Variants in FAM98B observed in about 807,000 individuals in gnomAD.
FAM98B encodes the protein tRNA-splicing ligase complex subunit FAM98B.
In FAM98B, 32 loss-of-function variants were observed where a neutral mutation model predicts 43.9. That is an observed-to-expected ratio of 0.73 (90% confidence interval 0.55 to 0.98). The LOEUF (loss-of-function observed/expected upper bound fraction) is 0.98. Ranked by LOEUF, FAM98B falls within the 50% of genes least tolerant of loss-of-function variation. The pLI, the probability that FAM98B is intolerant of heterozygous loss-of-function variation, is 0.00. For missense variants in FAM98B, 514 were observed against 522.9 expected (o/e 0.98, Z 0.17); for synonymous variants, 190 against 174.0 (o/e 1.09, Z -0.72).
chr15:38,473,450 G>A (rs1890153985), intron 4 of FAM98B, 55 bp from the exon 5 acceptor site: 8 of 1,283,886 alleles, frequency 6.2e-6, no homozygotes, highest in Non-Finnish European at 6.6e-6. Context: ...ACAAGCATAA[G>A]ATTGTTTTAA....
chr15:38,455,262 T>C (rs1889830230), intron 1 of FAM98B, among the ~76,000 whole-genome samples: 1 of 152,214 alleles, frequency 6.6e-6, no homozygotes, highest in Non-Finnish European at 1.5e-5. Flanking sequence ...TAGGACCAGA[T>C]AGTTGAGTCA....
chr15:38,481,748 T>C, intron 7 of FAM98B: 1 of 862,442 alleles, frequency 1.2e-6, no homozygotes, highest in South Asian at 1.9e-5. Flanking sequence ...AATCATTTTT[T>C]GTCAGTAAGA....
chr15:38,460,800 G>A lies in FAM98B; in HGVS notation c.72-3232G>A, dbSNP rs138409553. On this transcript the variant is annotated intron_variant, in intron 1 of 7. Transcript: ENST00000397609. Reference sequence around the variant, plus strand: ...GTTAGCTATGATTATGGCCATCCCGGATGAATTATTTACCTTTATCATCCT... The same window carrying A: ...GTTAGCTATGATTATGGCCATCCCGAATGAATTATTTACCTTTATCATCCT... Among the ~76,000 whole-genome samples, 12 of 152,248 alleles carry A rather than the reference G, an allele frequency of 7.9e-5. No homozygotes were observed. The East Asian group carries it at 2.1e-3, about 27-fold the overall frequency.
chr15:38,480,249 G>A (rs1023418290), intron 6 of FAM98B, among the ~76,000 whole-genome samples: 1 of 151,860 alleles, frequency 6.6e-6, no homozygotes, highest in Non-Finnish European at 1.5e-5. Flanking sequence ...TTGTTATATG[G>A]TGTGCTGTAT....
At chr15:38,459,457 A>G (rs901930636) in intron 1 of FAM98B, 1 of 354,920 alleles carries the variant, frequency 2.8e-6, no homozygotes, top group East Asian at 8.2e-5. Context: ...AGGCTTCTTA[A>G]GGAGGGCTTG....
chr15:38,458,765 C>G (rs1046198688), intron 1 of FAM98B: 12 of 372,040 alleles, frequency 3.2e-5, no homozygotes, highest in Non-Finnish European at 6.3e-5. Flanking sequence ...GAGGCCTGCC[C>G]CTACCCAAGG....
intron 1 of FAM98B, among the ~76,000 whole-genome samples, chr15:38,460,372 A>C (rs2141052021): frequency 7.0e-6 from 1 of 142,378 alleles, no homozygotes; most frequent in South Asian, 2.5e-4. Flanking sequence ...TTTCTCATGT[A>C]CTGCAAGAGG....
At chr15:38,470,513 C>G in intron 4 of FAM98B, 108 bp downstream of exon 4, 1 of 1,031,038 alleles carries the variant, frequency 9.7e-7, no homozygotes, top group Non-Finnish European at 1.3e-6. Context: ...CATTTTATTT[C>G]AAGAGTTTAT....
At position 38,454,207 on chromosome 15, in the gene FAM98B, G is replaced by T. The variant is rs781472476; in HGVS notation, c.46G>T (p.Val16Leu). Residue 16 changes from valine (V) to leucine (L), a missense_variant, in exon 1 of 8, where the codon GTG becomes TTG. Transcript: ENST00000397609. ...PGPQPTMEGD[V>L]LDTLEALGYK... is the part of the protein sequence containing the mutation. Reference sequence around the variant, plus strand: ...TCCCCAACCGACGATGGAGGGAGACGTGCTGGACACACTGGAGGCGCTGGG... The same window carrying T: ...TCCCCAACCGACGATGGAGGGAGACTTGCTGGACACACTGGAGGCGCTGGG... 1.0e-5 allele frequency: 16 copies of T among 1,604,366 alleles called. No homozygotes were observed. Among genetic ancestry groups the T allele is most frequent in the Non-Finnish European group, 1.4e-5 (16 of 1,176,670 alleles).
intron 6 of FAM98B, among the ~76,000 whole-genome samples, chr15:38,480,994 C>A (rs1890273790): frequency 6.6e-6 from 1 of 151,704 alleles, no homozygotes; most frequent in South Asian, 2.1e-4. Context: ...TTTAAATGTC[C>A]TGTATGTGGT....
chr15:38,465,143 C>T, intron 2 of FAM98B, 126 bp from the exon 3 acceptor site: 1 of 883,028 alleles, frequency 1.1e-6, no homozygotes, highest in Non-Finnish European at 1.6e-6. Flanking sequence ...TTCGTGATCA[C>T]ACATTTAAGG....
At chr15:38,463,655 A>T (rs1889985717) in intron 1 of FAM98B, among the ~76,000 whole-genome samples, 1 of 152,046 alleles carries the variant, frequency 6.6e-6, no homozygotes, top group African/African-American at 2.4e-5. Flanking sequence ...TTTTTATTGT[A>T]ATTAATATAA....
rs997628701 is a variant in FAM98B, at chr15:38,473,673, G to A, written c.612+88G>A. On this transcript the variant is annotated intron_variant, in intron 5 of 7. Transcript: ENST00000397609. ...TAAATGAACATCTATTTTGCAATAT[G>A]TAGCATGCATATATTATTTTGTAGA... The A allele has an allele frequency of 4.2e-5, 40 of 945,662 alleles. No homozygotes were observed. In the African/African-American group the frequency reaches 6.4e-4, roughly 15 times the overall value. The allele number at this position is 945,662 out of a possible 1,614,324, so 58.6% of individuals were successfully genotyped here.
intron 6 of FAM98B, among the ~76,000 whole-genome samples, chr15:38,474,804 C>T (rs1307371347): frequency 3.2e-4 from 48 of 152,106 alleles, no homozygotes; most frequent in Non-Finnish European, 1.5e-5. Flanking sequence ...TTAATCTGTA[C>T]CCATGCTTAG....
chr15:38,475,672 G>A (rs1209145802), intron 6 of FAM98B, among the ~76,000 whole-genome samples: 9 of 151,924 alleles, frequency 5.9e-5, no homozygotes, highest in Non-Finnish European at 1.2e-4. Context: ...ATTATATTAG[G>A]CCCACACAGA....
chr15:38,465,333 A>C lies in FAM98B; in HGVS notation c.282A>C (p.Pro94=), dbSNP rs1298994207. 6.2e-7 allele frequency: 1 copy of C among 1,611,972 alleles called. No individual in the cohort carries two copies. Among genetic ancestry groups the C allele is most frequent in the African/African-American group, 1.3e-5 (1 of 74,848 alleles). The part of the protein sequence containing the change: ...ISGFLKEMAC[P]YSVLISGDIK... ...GCTTTTTAAAAGAAATGGCATGTCCATATTCTGTACTCATATCAGGAGATA... is the reference window on the plus strand; with the variant it reads ...GCTTTTTAAAAGAAATGGCATGTCCCTATTCTGTACTCATATCAGGAGATA... The change falls in exon 3 of 8, where the codon CCA becomes CCC. Residue 94 remains proline (P), a synonymous_variant. Coordinates refer to ENST00000397609, the MANE Select transcript of FAM98B (RefSeq NM_173611.4).
At chr15:38,465,707 T>C (rs1452975776) in intron 3 of FAM98B, among the ~76,000 whole-genome samples, 3 of 152,150 alleles carry the variant, frequency 2.0e-5, no homozygotes, top group Non-Finnish European at 2.9e-5. Context: ...ATGGCTAACA[T>C]TGATGATCTC....
rs1447383177 is a variant in FAM98B at position 38,487,241 on chromosome 15, T to C, written c.*2582T>C. 1 of 152,090 alleles carries C rather than the reference T, an allele frequency of 6.6e-6. No homozygotes were observed. The highest frequency in any genetic ancestry group is 1.9e-4 in the East Asian group (1 of 5,196). 9.4% of individuals were successfully genotyped at this position (152,090 alleles called of 1,614,324 possible). A position where few individuals can be genotyped will look rare whatever the true frequency, so the allele number is the denominator to read the frequency against. On this transcript the variant is annotated 3_prime_UTR_variant, in exon 8 of 8. Transcript: ENST00000397609. ...TTTTGTTTTGCAGATCAGGGAAACC[T>C]TGCCTCATTAAACAGAAAAAGGAAA...
At chr15:38,463,783 T>C (rs1487090359) in intron 1 of FAM98B, among the ~76,000 whole-genome samples, 1 of 152,180 alleles carries the variant, frequency 6.6e-6, no homozygotes, top group Non-Finnish European at 1.5e-5. Flanking sequence ...ATGTTAATTA[T>C]ATAGAGCAGG....
Sources: allele counts gnomAD v4.1 joint callset (sites outside exome capture counted in the v4.1 genomes callset), GRCh38; gene constraint gnomAD v4.1.1; transcripts MANE v1.5; gene names NCBI Gene and HGNC (gene_info 2026-07-23, HGNC 2026-07-21).